The following VPS35L variants were observed in gnomAD, a reference collection of about 807,000 sequenced individuals.
VPS35L encodes the protein VPS35 endosomal protein sorting factor like.
In VPS35L, 83 loss-of-function variants were observed where a neutral mutation model predicts 133.0. The ratio of observed to expected loss-of-function variants is 0.62; its 90% CI spans 0.52 to 0.75. The LOEUF (loss-of-function observed/expected upper bound fraction) is 0.75. Among genes scored for constraint, VPS35L ranks in the 30% least tolerant of loss-of-function variants. The pLI is 0.00. For missense variants in VPS35L, 1,083 were observed against 1,206.8 expected, an observed-to-expected ratio of 0.90 and a Z score of 1.52; for synonymous variants, 423 against 449.9, an observed-to-expected ratio of 0.94 and a Z score of 0.76.
chr16:19,556,286 C>T (rs971410275), intron 1 of VPS35L, among the ~76,000 whole-genome samples: 4 of 152,142 alleles, frequency 2.6e-5, no homozygotes, highest in Admixed American at 1.3e-4. Flanking sequence ...AGAGGGATGT[C>T]TAAAGAAGGC....
In VPS35L at chr16:19,682,292, G is replaced by T; in HGVS notation, c.2429G>T (p.Trp810Leu). 6.2e-7 allele frequency: 1 copy of T among 1,614,070 alleles called. No homozygotes were observed. Among genetic ancestry groups the T allele is most frequent in the South Asian group, 1.1e-5 (1 of 91,072 alleles). Residue 810 changes from tryptophan (W) to leucine (L), a missense_variant, in exon 28 of 31, where the codon TGG becomes TTG. By Grantham distance (61) the Trp-to-Leu change is moderately conservative. Transcript: ENST00000417362. ...ELLNVIQDYT[W>L]EDNSDEKIRI... is the part of the protein sequence containing the mutation. ...CTCAACGTGATCCAGGACTACACCTGGGAGGACAACAGCGATGAGAAAATC... is the reference window on the plus strand; with the variant it reads ...CTCAACGTGATCCAGGACTACACCTTGGAGGACAACAGCGATGAGAAAATC...
In VPS35L at chr16:19,626,826, G is replaced by T. The variant is rs140778636; in HGVS notation, c.1271+603G>T. 2.6e-3 allele frequency among the ~76,000 whole-genome samples: 391 copies of T among 152,222 alleles called. 1 individual carries two copies. Among genetic ancestry groups the T allele is most frequent in the Non-Finnish European group, 4.5e-3 (309 of 68,000 alleles). ...CCATGGGGCTGTGGTAGGTGGTTGG[G>T]CTAGGATGAAATTGATCTCCCTGAC... is the stretch of plus-strand genomic sequence containing the variant. On this transcript the variant is annotated intron_variant, in intron 15 of 30. Transcript: ENST00000417362.
intron 14 of VPS35L, among the ~76,000 whole-genome samples, chr16:19,624,107 CTTT>C (rs1182015325): frequency 2.0e-3 from 131 of 65,826 alleles, no homozygotes; most frequent in Non-Finnish European, 2.8e-3. Flanking sequence ...CCTACCAGGT[CTTT>C]TTTTTTTTTT....
rs548112906 is a variant in VPS35L, at chr16:19,633,601, C to T, written c.1635+429C>T. Among the ~76,000 whole-genome samples the T allele has an allele frequency of 3.2e-4, 49 of 152,172 alleles. 1 individual carries two copies. The East Asian group carries it at 7.9e-3, about 25-fold the overall frequency. On this transcript the variant is annotated intron_variant, in intron 19 of 30. Transcript: ENST00000417362. The surrounding 1 kb of genome is among the most constrained non-coding windows in gnomAD (Gnocchi z 4.1). ...GTGCGATCACCGCTTGGCACAGCCT[C>T]GACTTCCTGGGCTTAAGCATAATTT...
At chr16:19,586,983 A>C (rs1244044629) in intron 7 of VPS35L, among the ~76,000 whole-genome samples, 9 of 152,210 alleles carry the variant, frequency 5.9e-5, no homozygotes, top group Non-Finnish European at 1.5e-5. Flanking sequence ...ATTGACTCAC[A>C]GTTCTGCAGG....
chr16:19,621,275 C>A (rs1973071575), intron 14 of VPS35L, among the ~76,000 whole-genome samples: 1 of 152,168 alleles, frequency 6.6e-6, no homozygotes, highest in African/African-American at 2.4e-5. Flanking sequence ...CATCAAAGTC[C>A]TAGACAAACA....
intron 12 of VPS35L, among the ~76,000 whole-genome samples, chr16:19,611,364 C>T: frequency 6.6e-6 from 1 of 152,202 alleles, no homozygotes; most frequent in East Asian, 1.9e-4. Flanking sequence ...CAGGACTCCC[C>T]CTAGCAACGA....
intron 8 of VPS35L, among the ~76,000 whole-genome samples, chr16:19,600,147 T>A (rs1020363676): frequency 7.9e-5 from 12 of 152,152 alleles, no homozygotes; most frequent in African/African-American, 2.9e-4. Context: ...CTTCACTTAA[T>A]CCTGCCTGAT....
intron 26 of VPS35L, among the ~76,000 whole-genome samples, chr16:19,665,039 A>G (rs549658974): frequency 1.3e-5 from 2 of 152,262 alleles, no homozygotes; most frequent in Admixed American, 1.3e-4. Context: ...CTTTTCTAAA[A>G]AAATTTTTGT....
At chr16:19,578,213 A>C in intron 5 of VPS35L, 1 of 446,316 alleles carries the variant, frequency 2.2e-6, no homozygotes, top group Non-Finnish European at 4.4e-6. Context: ...TGACTCTTAA[A>C]ACCTAAAACA....
chr16:19,667,099 AATTACAGGCATGTGCCACC>A (rs1158928616), intron 26 of VPS35L, among the ~76,000 whole-genome samples: 2 of 151,398 alleles, frequency 1.3e-5, no homozygotes, highest in Non-Finnish European at 2.9e-5. Flanking sequence ...GAGTAGCTGG[AATTACAGGCATGTGCCACC>A]ATGCCCAGCT....
At chr16:19,581,828 G>T in intron 7 of VPS35L, 175 bp downstream of exon 7, 1 of 787,424 alleles carries the variant, frequency 1.3e-6, no homozygotes, top group Non-Finnish European at 2.0e-6. Context: ...TTTATGAGAT[G>T]GCTAATCCCA....
intron 7 of VPS35L, among the ~76,000 whole-genome samples, chr16:19,583,814 C>T (rs566069909): frequency 5.3e-5 from 8 of 152,146 alleles, no homozygotes; most frequent in African/African-American, 1.7e-4. Flanking sequence ...GAACTTATTC[C>T]TCATATGTAG....
intron 8 of VPS35L, among the ~76,000 whole-genome samples, chr16:19,599,285 T>A (rs1437246679): frequency 6.6e-6 from 1 of 152,182 alleles, no homozygotes; most frequent in Non-Finnish European, 1.5e-5. Flanking sequence ...CCTCTGAGGA[T>A]GGACACAGAC....
chr16:19,668,179 C>T (rs530074964), intron 26 of VPS35L, among the ~76,000 whole-genome samples: 3 of 152,178 alleles, frequency 2.0e-5, no homozygotes, highest in Admixed American at 1.3e-4. Context: ...ATTCAGGATG[C>T]TGTTCACCCC....
intron 4 of VPS35L, among the ~76,000 whole-genome samples, chr16:19,573,679 G>A (rs1971450685): frequency 6.6e-6 from 1 of 152,132 alleles, no homozygotes; most frequent in South Asian, 2.1e-4. Flanking sequence ...CAGGCGTGGT[G>A]GCGGGCACCT....
intron 7 of VPS35L, 44 bp from the exon 8 acceptor site, chr16:19,591,746 C>G (rs1161642723): frequency 1.4e-6 from 2 of 1,443,640 alleles, no homozygotes; most frequent in East Asian, 4.5e-5. Context: ...CTACCCATAC[C>G]AGACATGCCA....
At chr16:19,688,883 T>C (rs1485695288) in intron 28 of VPS35L, among the ~76,000 whole-genome samples, 1 of 152,198 alleles carries the variant, frequency 6.6e-6, no homozygotes, top group Admixed American at 6.5e-5. Flanking sequence ...TGCAGCAGGC[T>C]GGCCCTAGCC....
At chr16:19,609,929 G>GA (rs1972656254) in intron 11 of VPS35L, among the ~76,000 whole-genome samples, 1 of 152,140 alleles carries the variant, frequency 6.6e-6, no homozygotes, top group Non-Finnish European at 1.5e-5. Flanking sequence ...TTCACGGAAG[G>GA]AACAGGGTAC....
Sources: gnomAD v4.1 joint callset for allele counts (sites outside exome capture counted in the v4.1 genomes callset) on GRCh38, gnomAD v4.1.1 for gene constraint, Gnocchi (gnomAD v3.1) non-coding constraint, MANE v1.5 for transcripts, NCBI Gene and HGNC (gene_info 2026-07-23, HGNC 2026-07-21) for gene names.